NTM: variants seen among roughly 807,000 people sequenced by gnomAD.
NTM encodes the protein neurotrimin.
A neutral mutation model predicts 42.1 loss-of-function variants in NTM; 13 were observed. The ratio of observed to expected loss-of-function variants is 0.31; its 90% CI spans 0.20 to 0.49. NTM has a LOEUF of 0.49. NTM is among the 20% of genes least tolerant of loss of function. The pLI is 0.99. For synonymous variants in NTM, 187 were observed against 179.2 expected (o/e 1.04, Z -0.35); for missense variants, 373 against 452.8 (o/e 0.82, Z 1.60).
intron 2 of NTM, among the ~76,000 whole-genome samples, chr11:132,085,790 C>G (rs2136331492): frequency 6.6e-6 from 1 of 152,210 alleles, no homozygotes; most frequent in Middle Eastern, 3.4e-3. Context: ...TTATTGGTCT[C>G]TGGGTGGTGC....
chr11:132,039,442 AG>A (rs1365051495), intron 2 of NTM, among the ~76,000 whole-genome samples: 4 of 148,858 alleles, frequency 2.7e-5, no homozygotes, highest in Admixed American at 6.7e-5. Context: ...TTTTTTAGAA[AG>A]ACAGGGTCTT....
intron 1 of NTM, among the ~76,000 whole-genome samples, chr11:131,741,761 C>T (rs1158837661): frequency 1.3e-5 from 2 of 152,162 alleles, no homozygotes; most frequent in African/African-American, 4.8e-5. Context: ...ACTGTATAAA[C>T]TCATGCTTCC....
intron 3 of NTM, chr11:132,211,628 A>G (rs2082854185): frequency 6.1e-6 from 1 of 163,914 alleles, no homozygotes; most frequent in Admixed American, 6.3e-5. Flanking sequence ...GAGCCACTGG[A>G]GCTGTTTAGA....
At chr11:131,474,570 C>T (rs1187090727) in intron 1 of NTM, among the ~76,000 whole-genome samples, 3 of 152,108 alleles carry the variant, frequency 2.0e-5, no homozygotes, top group African/African-American at 4.8e-5. Context: ...TCATCTATAG[C>T]TCCTGCTCTG....
At chr11:131,643,777 T>G (rs2065431792) in intron 1 of NTM, among the ~76,000 whole-genome samples, 1 of 152,158 alleles carries the variant, frequency 6.6e-6, no homozygotes, top group South Asian at 2.1e-4. Context: ...CCTGCAGATC[T>G]GTGGGTCACA....
intron 5 of NTM, 105 bp downstream of exon 5, chr11:132,307,928 G>A: frequency 9.1e-7 from 1 of 1,094,806 alleles, no homozygotes; most frequent in Non-Finnish European, 1.3e-6. Flanking sequence ...ACTTAGGGTG[G>A]GAAGAATGCA....
intron 2 of NTM, among the ~76,000 whole-genome samples, chr11:132,125,246 G>C (rs909266064): frequency 2.2e-4 from 33 of 151,938 alleles, no homozygotes; most frequent in African/African-American, 7.3e-4. Flanking sequence ...CCCTCCCTTA[G>C]AGTGTAAAGT....
chr11:132,083,603 G>C (rs1594482789), intron 2 of NTM, among the ~76,000 whole-genome samples: 1 of 152,196 alleles, frequency 6.6e-6, no homozygotes, highest in South Asian at 2.1e-4. Flanking sequence ...CCACAGGTGA[G>C]GAACCCTGTA....
At chr11:131,539,980 C>A (rs902772517) in intron 1 of NTM, among the ~76,000 whole-genome samples, 1 of 152,124 alleles carries the variant, frequency 6.6e-6, no homozygotes. Context: ...TCCAGGCAGG[C>A]GGGCAGTTGG....
chr11:131,852,590 A>G (rs1170510325), intron 1 of NTM, among the ~76,000 whole-genome samples: 1 of 152,172 alleles, frequency 6.6e-6, no homozygotes, highest in Admixed American at 6.5e-5. Context: ...TGCTCATGGA[A>G]TCATGTGGAG....
intron 4 of NTM, among the ~76,000 whole-genome samples, chr11:132,259,700 G>A (rs529544178): frequency 6.6e-6 from 1 of 151,684 alleles, no homozygotes; most frequent in Admixed American, 6.6e-5. Flanking sequence ...AAGTTTTTTA[G>A]TTGATCACCA....
intron 1 of NTM, among the ~76,000 whole-genome samples, chr11:131,530,973 G>C (rs947329868): frequency 6.6e-6 from 1 of 152,162 alleles, no homozygotes; most frequent in African/African-American, 2.4e-5. Context: ...GATGATGGAG[G>C]CTTCTGCAAT....
In NTM at chr11:131,552,287, A is replaced by G. The variant is rs2034385; in HGVS notation, c.82+181399A>G. On this transcript the variant is annotated intron_variant, in intron 1 of 8. Transcript: ENST00000683400. ...TATCACGCACGGCTGGAGATGGTGT[A>G]AAAGTGATGCTGTCAGTTTGGAAAA... 6.9e-3 allele frequency among the ~76,000 whole-genome samples: 1,052 copies of G among 152,300 alleles called. 15 individuals are homozygous for G. The highest frequency in any genetic ancestry group is 0.024 in the African/African-American group (1,017 of 41,570).
intron 1 of NTM, among the ~76,000 whole-genome samples, chr11:131,506,590 T>G (rs1395859181): frequency 2.0e-5 from 3 of 152,128 alleles, no homozygotes; most frequent in African/African-American, 7.2e-5. Context: ...CTGAGGGGTG[T>G]CCAGGTTCTA....
intron 1 of NTM, among the ~76,000 whole-genome samples, chr11:131,427,273 T>TA (rs1205680592): frequency 1.3e-5 from 2 of 152,092 alleles, no homozygotes; most frequent in African/African-American, 4.8e-5. Flanking sequence ...AGGTCTGGGA[T>TA]AAAAAATCTG....
rs1530682 is a variant in NTM at position 131,466,995 on chromosome 11, G to A, written c.82+96107G>A. Among the ~76,000 whole-genome samples, 339 of 152,112 alleles carry A rather than the reference G, an allele frequency of 2.2e-3. 1 individual carries two copies. Among genetic ancestry groups the A allele is most frequent in the African/African-American group, 6.4e-3 (266 of 41,502 alleles). On this transcript the variant is annotated intron_variant, in intron 1 of 8. Coordinates refer to ENST00000683400, the MANE Select transcript of NTM (RefSeq NM_001352005.2). ...CACATGTGCATACACGTACACACAC[G>A]CACATGCAAACACACCATACAGGCT...
At position 131,533,151 on chromosome 11, in the gene NTM, C is replaced by A. The variant is rs538425822; in HGVS notation, c.82+162263C>A. On this transcript the variant is annotated intron_variant, in intron 1 of 8. Transcript: ENST00000683400. Reference sequence around the variant, plus strand: ...GAATAAGTGACTCTTCTAGACTCCCCCATGGCCAAAAGTAATAAAACTCAT... The same window carrying A: ...GAATAAGTGACTCTTCTAGACTCCCACATGGCCAAAAGTAATAAAACTCAT... Among the ~76,000 whole-genome samples, 3 of 152,204 alleles carry A rather than the reference C, an allele frequency of 2.0e-5. No individual in the cohort carries two copies. In the South Asian group the frequency reaches 6.3e-4, roughly 32 times the overall value.
intron 7 of NTM, chr11:132,317,523 T>TTTTTTA: frequency 2.5e-6 from 1 of 395,940 alleles, no homozygotes; most frequent in South Asian, 2.7e-5. Flanking sequence ...TGTCTTCCTT[T>TTTTTTA]TTTTTATATA....
At chr11:131,988,427 G>A (rs192654038) in intron 2 of NTM, among the ~76,000 whole-genome samples, 157 of 152,232 alleles carry the variant, frequency 1.0e-3, no homozygotes, top group Non-Finnish European at 1.5e-3. Flanking sequence ...TGGCATCCTG[G>A]GGACACTGCA....
Sources: allele counts gnomAD v4.1 joint callset (sites outside exome capture counted in the v4.1 genomes callset), GRCh38; gene constraint gnomAD v4.1.1; transcripts MANE v1.5; gene names NCBI Gene and HGNC (gene_info 2026-07-23, HGNC 2026-07-21).